Variants in AOPEP observed in about 807,000 individuals in gnomAD.
The protein encoded by AOPEP is aminopeptidase O (putative).
A neutral mutation model predicts 98.1 loss-of-function variants in AOPEP; 77 were observed. The observed-to-expected ratio is 0.78, with a 90% CI of 0.65 to 0.95. The LOEUF (loss-of-function observed/expected upper bound fraction) is 0.95, where lower values mean the gene tolerates loss of function less well. Ranked by LOEUF, AOPEP falls within the 40% of genes least tolerant of loss-of-function variation. The probability of loss-of-function intolerance (pLI) is 0.00; values close to 1 mark genes in which losing one functional copy is unlikely to be tolerated. For synonymous variants in AOPEP, 346 were observed against 365.3 expected, an observed-to-expected ratio of 0.95 and a Z score of 0.60; for missense variants, 1,024 against 1,024.7, an observed-to-expected ratio of 1.00 and a Z score of 0.01.
At chr9:94,743,138 T>A (rs1163168361) in intron 1 of AOPEP, among the ~76,000 whole-genome samples, 1 of 150,864 alleles carries the variant, frequency 6.6e-6, no homozygotes, top group Admixed American at 6.6e-5. Flanking sequence ...TTTACTTTTT[T>A]AATAAACTTG....
chr9:94,765,986 C>T (rs1391079611), intron 2 of AOPEP, among the ~76,000 whole-genome samples: 1 of 152,096 alleles, frequency 6.6e-6, no homozygotes, highest in Non-Finnish European at 1.5e-5. Flanking sequence ...AAGATGTTTG[C>T]TTTTCTGTGG....
chr9:95,099,772 C>G, the AOPEP span: 6 of 232,316 alleles, frequency 2.6e-5, no homozygotes, highest in African/African-American at 1.3e-4. Flanking sequence ...GACTCGGCAG[C>G]TGTGAAGGAA....
chr9:94,771,646 A>G (rs1311578084), intron 2 of AOPEP, among the ~76,000 whole-genome samples: 2 of 152,160 alleles, frequency 1.3e-5, no homozygotes, highest in African/African-American at 4.8e-5. Flanking sequence ...GGAGCTGGCT[A>G]GAAATACGTT....
At chr9:94,914,196 C>A (rs1379589187) in intron 5 of AOPEP, among the ~76,000 whole-genome samples, 1 of 152,100 alleles carries the variant, frequency 6.6e-6, no homozygotes, top group African/African-American at 2.4e-5. Flanking sequence ...ACTTTTTAAT[C>A]CTGTGATAAG....
chr9:94,952,099 T>G (rs1213574806), intron 7 of AOPEP, among the ~76,000 whole-genome samples: 1 of 152,212 alleles, frequency 6.6e-6, no homozygotes, highest in Non-Finnish European at 1.5e-5. Flanking sequence ...CAGCCCTTCC[T>G]GCCTCTCACA....
intron 11 of AOPEP, 45 bp downstream of exon 11, chr9:94,979,472 A>C: frequency 8.1e-7 from 1 of 1,239,808 alleles, no homozygotes; most frequent in South Asian, 1.3e-5. Context: ...GAGAGTAGTA[A>C]AGCTTGCTGC....
At position 94,800,752 on chromosome 9, in the gene AOPEP, C is replaced by T. The variant is rs777137208; in HGVS notation, c.1119-5C>T. 2 of 1,613,730 alleles carry T rather than the reference C, an allele frequency of 1.2e-6. No homozygotes were observed. The highest frequency in any genetic ancestry group is 1.3e-5 in the African/African-American group (1 of 75,032). On this transcript the variant is annotated splice_region_variant and splice_polypyrimidine_tract_variant and intron_variant, in intron 4 of 16. Transcript: ENST00000375315. ...GTTTTACCATTTATTTTGTGTTATTCCCAGGCATGTTGGTGTTTGCAGTCA... is the reference window on the plus strand; with the variant it reads ...GTTTTACCATTTATTTTGTGTTATTTCCAGGCATGTTGGTGTTTGCAGTCA...
intron 13 of AOPEP, among the ~76,000 whole-genome samples, chr9:95,030,245 G>T (rs1382128566): frequency 6.6e-6 from 1 of 152,164 alleles, no homozygotes; most frequent in Non-Finnish European, 1.5e-5. Flanking sequence ...CTTTTAAGAA[G>T]AATAATTATT....
chr9:94,914,171 T>C (rs2052466381), intron 5 of AOPEP, among the ~76,000 whole-genome samples: 1 of 152,204 alleles, frequency 6.6e-6, no homozygotes, highest in Non-Finnish European at 1.5e-5. Context: ...GAGACATGGA[T>C]GTAAGAAATA....
Position 94,759,910 on chromosome 9 carries a change from A to G in AOPEP, c.127A>G (p.Ile43Val), listed in dbSNP as rs201706364. The change falls in exon 2 of 17, where the codon ATA becomes GTA. Residue 43 changes from isoleucine to valine, a missense_variant. Coordinates refer to ENST00000375315, the MANE Select transcript of AOPEP (RefSeq NM_001193329.3). Reference protein sequence around the residue: ...DFESQVIEGTIVLFLEDGNRF... With the variant: ...DFESQVIEGTVVLFLEDGNRF... ...TGAAAGTCAAGTCATTGAGGGGACC[A>G]TAGTGCTTTTCCTCGAGGATGGAAA... 79 of 1,614,082 alleles carry G rather than the reference A, an allele frequency of 4.9e-5. No homozygotes were observed. Among genetic ancestry groups the G allele is most frequent in the Non-Finnish European group, 6.0e-5 (71 of 1,180,048 alleles).
At chr9:95,093,604 G>A in the AOPEP span, among the ~76,000 whole-genome samples, 16 of 152,142 alleles carry the variant, frequency 1.1e-4, no homozygotes, top group Non-Finnish European at 4.4e-5. Flanking sequence ...CAAAAAGTAA[G>A]TTTTCTCTGC....
chr9:95,107,513 C>G, the AOPEP span: 1 of 583,894 alleles, frequency 1.7e-6, no homozygotes, highest in Non-Finnish European at 3.1e-6. Context: ...CAGGAACTGA[C>G]CTTTTTTTGT....
At chr9:95,073,761 A>G (rs1384082645) in intron 14 of AOPEP, among the ~76,000 whole-genome samples, 2 of 152,198 alleles carry the variant, frequency 1.3e-5, no homozygotes, top group African/African-American at 2.4e-5. Context: ...TGGGAGGCTG[A>G]GGCAGGAGAA....
the AOPEP span, chr9:95,111,319 C>G: frequency 8.2e-6 from 13 of 1,594,714 alleles, no homozygotes; most frequent in Admixed American, 3.4e-5. Flanking sequence ...GATCACCATG[C>G]CTGCAGGTTG....
In AOPEP at chr9:94,759,720, G is replaced by C. The variant is rs891727875; in HGVS notation, c.-64G>C. On this transcript the variant is annotated 5_prime_UTR_variant, in exon 2 of 17. Transcript: ENST00000375315. ...TAAGCAGCTATTTATGATTCTGGAA[G>C]ATTAAGGCAGATAGGAAACCCCATC... 8 of 1,287,584 alleles carry C rather than the reference G, an allele frequency of 6.2e-6. No homozygotes were observed. The East Asian group carries it at 1.4e-4, about 23-fold the overall frequency. 79.8% of individuals were successfully genotyped at this position (1,287,584 alleles called of 1,614,324 possible).
chr9:95,022,515 A>AT (rs1462649783), intron 13 of AOPEP, among the ~76,000 whole-genome samples: 6 of 151,794 alleles, frequency 4.0e-5, no homozygotes, highest in African/African-American at 1.5e-4. Context: ...TTTTTTTTGT[A>AT]TTTTTAGTAG....
At chr9:95,138,605 C>T in the AOPEP span, among the ~76,000 whole-genome samples, 1 of 152,190 alleles carries the variant, frequency 6.6e-6, no homozygotes, top group African/African-American at 2.4e-5. Flanking sequence ...CCATGTAACA[C>T]GAATCTGTAT....
At chr9:94,867,102 G>C (rs1401223842) in intron 5 of AOPEP, among the ~76,000 whole-genome samples, 1 of 152,144 alleles carries the variant, frequency 6.6e-6, no homozygotes, top group Non-Finnish European at 1.5e-5. Context: ...TCTGCTGCCT[G>C]CTATTTTGAT....
At chr9:94,912,573 G>A (rs2052216461) in intron 5 of AOPEP, among the ~76,000 whole-genome samples, 1 of 152,186 alleles carries the variant, frequency 6.6e-6, no homozygotes, top group African/African-American at 2.4e-5. Flanking sequence ...CTGACCGTGT[G>A]AGACCCAATT....
Sources: allele counts gnomAD v4.1 joint callset (sites outside exome capture counted in the v4.1 genomes callset), GRCh38; gene constraint gnomAD v4.1.1; transcripts MANE v1.5; gene names NCBI Gene and HGNC (gene_info 2026-07-23, HGNC 2026-07-21).